PRKACB: variants seen among roughly 807,000 people sequenced by gnomAD.
PRKACB encodes the protein protein kinase cAMP-activated catalytic subunit beta.
Under a neutral mutation model 51.4 loss-of-function variants are expected in PRKACB, and 16 were observed. The observed-to-expected ratio is 0.31, with a 90% CI of 0.21 to 0.47. The LOEUF (loss-of-function observed/expected upper bound fraction) is 0.47. PRKACB is among the 20% of genes least tolerant of loss of function. The pLI, the probability that PRKACB is intolerant of heterozygous loss-of-function variation, is 1.00. For synonymous variants in PRKACB, 147 were observed against 154.4 expected (o/e 0.95, Z 0.35); for missense variants, 309 against 464.5 (o/e 0.67, Z 3.08).
At chr1:84,156,966 C>G (rs1299844511) in intron 1 of PRKACB, among the ~76,000 whole-genome samples, 2 of 152,162 alleles carry the variant, frequency 1.3e-5, no homozygotes, top group Admixed American at 1.3e-4. Flanking sequence ...TACAATGTCT[C>G]TACTTTTCAG....
intron 1 of PRKACB, among the ~76,000 whole-genome samples, chr1:84,117,697 GT>G (rs1650743086): frequency 6.6e-6 from 1 of 152,032 alleles, no homozygotes; most frequent in Non-Finnish European, 1.5e-5. Flanking sequence ...TTCTTGGTTA[GT>G]ATAGCTAGCA....
At chr1:84,086,511 G>T (rs1648006073) in intron 1 of PRKACB, among the ~76,000 whole-genome samples, 1 of 152,164 alleles carries the variant, frequency 6.6e-6, no homozygotes, top group South Asian at 2.1e-4. Flanking sequence ...CAGCACTCCT[G>T]GTCAGGCAGC....
intron 2 of PRKACB, among the ~76,000 whole-genome samples, chr1:84,179,901 C>T (rs1355027878): frequency 6.6e-6 from 1 of 150,796 alleles, no homozygotes; most frequent in African/African-American, 2.4e-5. Flanking sequence ...ATCCATCAAC[C>T]CGTCATCTAC....
intron 1 of PRKACB, among the ~76,000 whole-genome samples, chr1:84,119,898 T>C (rs1464143152): frequency 2.6e-5 from 4 of 152,086 alleles, no homozygotes; most frequent in Non-Finnish European, 1.5e-5. Flanking sequence ...CTTGAATCAT[T>C]GAGACCTTGG....
chr1:84,220,288 ATTTT>A (rs1390404800), intron 9 of PRKACB, among the ~76,000 whole-genome samples: 1 of 151,966 alleles, frequency 6.6e-6, no homozygotes, highest in Non-Finnish European at 1.5e-5. Flanking sequence ...AATGTCACTG[ATTTT>A]TTATGTTCAT....
chr1:84,179,903 G>A (rs1029932754), intron 2 of PRKACB, among the ~76,000 whole-genome samples: 16 of 150,852 alleles, frequency 1.1e-4, no homozygotes, highest in Non-Finnish European at 1.9e-4. Flanking sequence ...CCATCAACCC[G>A]TCATCTACAT....
intron 5 of PRKACB, among the ~76,000 whole-genome samples, chr1:84,194,014 A>G (rs114543989): frequency 0.013 from 1,922 of 152,152 alleles, 52 homozygotes; most frequent in African/African-American, 0.044. Flanking sequence ...TTGACTTACT[A>G]TGCACAGGGC....
intron 5 of PRKACB, among the ~76,000 whole-genome samples, chr1:84,187,055 C>T (rs1294132122): frequency 6.6e-6 from 1 of 152,058 alleles, no homozygotes; most frequent in Non-Finnish European, 1.5e-5. Context: ...AACTAAAGCC[C>T]AGGCCTAAGG....
At chr1:84,207,894 A>G (rs745711863) in intron 8 of PRKACB, among the ~76,000 whole-genome samples, 17 of 151,928 alleles carry the variant, frequency 1.1e-4, no homozygotes, top group Non-Finnish European at 1.8e-4. Flanking sequence ...TTGAGATGGA[A>G]TCTTGCTCTG....
intron 1 of PRKACB, among the ~76,000 whole-genome samples, chr1:84,145,240 A>G (rs1653893490): frequency 6.6e-6 from 1 of 152,096 alleles, no homozygotes; most frequent in Admixed American, 6.6e-5. Context: ...TTTTGGTGCC[A>G]TACACTCTAA....
intron 1 of PRKACB, among the ~76,000 whole-genome samples, chr1:84,125,363 C>T (rs965495986): frequency 1.3e-5 from 2 of 152,194 alleles, no homozygotes; most frequent in African/African-American, 2.4e-5. Context: ...CTCTCTTCTG[C>T]TCCTAGCTGG....
chr1:84,097,987 G>A (rs1649054014), intron 1 of PRKACB, among the ~76,000 whole-genome samples: 1 of 151,920 alleles, frequency 6.6e-6, no homozygotes, highest in African/African-American at 2.4e-5. Context: ...CAGCTATCTG[G>A]GCATCCCTTA....
At chr1:84,097,810 C>T (rs1022868517) in intron 1 of PRKACB, among the ~76,000 whole-genome samples, 19 of 152,038 alleles carry the variant, frequency 1.2e-4, no homozygotes, top group South Asian at 2.1e-4. Flanking sequence ...AAAAACAAAA[C>T]GTGCGAATTT....
intron 1 of PRKACB, among the ~76,000 whole-genome samples, chr1:84,155,147 CA>C (rs529403822): frequency 2.0e-5 from 3 of 151,668 alleles, no homozygotes; most frequent in African/African-American, 7.3e-5. Context: ...AAGACTCTAC[CA>C]AAAAAACTGT....
intron 1 of PRKACB, among the ~76,000 whole-genome samples, chr1:84,155,319 A>C (rs1289372721): frequency 6.6e-6 from 1 of 152,206 alleles, no homozygotes; most frequent in Non-Finnish European, 1.5e-5. Flanking sequence ...TAACCAAAGC[A>C]GTGAAAGATT....
intron 8 of PRKACB, among the ~76,000 whole-genome samples, chr1:84,208,573 A>G (rs1311523690): frequency 3.3e-5 from 5 of 152,212 alleles, no homozygotes; most frequent in Admixed American, 1.3e-4. Flanking sequence ...TACTTTCCCA[A>G]TGACTTTTCT....
At position 84,236,330 on chromosome 1, in the gene PRKACB, G is replaced by C. The variant is rs535232398; in HGVS notation, c.*1025G>C. On this transcript the variant is annotated 3_prime_UTR_variant, in exon 10 of 10. Transcript: ENST00000370685. The stretch of plus-strand genomic sequence containing the variant: ...TGGCTTGATTTTTGGAAACAATATA[G>C]AGGTATTCATATTTAAATGAGGGTT... 6.6e-6 allele frequency: 1 copy of C among 152,592 alleles called. No homozygotes were observed. Among genetic ancestry groups the C allele is most frequent in the South Asian group, 2.1e-4 (1 of 4,822 alleles). 9.5% of individuals were successfully genotyped at this position (152,592 alleles called of 1,614,324 possible). A position where few individuals can be genotyped will look rare whatever the true frequency, so the allele number is the denominator to read the frequency against.
intron 1 of PRKACB, among the ~76,000 whole-genome samples, chr1:84,080,271 A>C (rs1399761306): frequency 6.6e-6 from 1 of 152,218 alleles, no homozygotes; most frequent in African/African-American, 2.4e-5. Flanking sequence ...CCTTAGTATT[A>C]ATTTGCAACT....
intron 1 of PRKACB, among the ~76,000 whole-genome samples, chr1:84,174,504 A>G (rs1660588792): frequency 6.6e-6 from 1 of 151,912 alleles, no homozygotes; most frequent in Admixed American, 6.6e-5. Flanking sequence ...TATTCTTTGT[A>G]GTATTCAGAG....
Sources: gnomAD v4.1 joint callset for allele counts (sites outside exome capture counted in the v4.1 genomes callset) on GRCh38, gnomAD v4.1.1 for gene constraint, MANE v1.5 for transcripts, NCBI Gene and HGNC (gene_info 2026-07-23, HGNC 2026-07-21) for gene names.